The following TRPM3 variants were observed in gnomAD, a reference collection of about 807,000 sequenced individuals.
TRPM3 encodes the protein long transient receptor potential channel 3.
Under a neutral mutation model 181.2 loss-of-function variants are expected in TRPM3, and 77 were observed. That is an observed-to-expected ratio of 0.42 (90% CI 0.35 to 0.51). TRPM3 has a LOEUF of 0.51. Ranked by LOEUF, TRPM3 falls within the 20% of genes least tolerant of loss-of-function variation. The pLI, the probability that TRPM3 is intolerant of heterozygous loss-of-function variation, is 0.01. For synonymous variants in TRPM3, 745 were observed against 796.4 expected, an observed-to-expected ratio of 0.94 and a Z score of 1.09; for missense variants, 1,759 against 2,196.7, an observed-to-expected ratio of 0.80 and a Z score of 3.98.
chr9:71,013,243 A>G (rs2097759786), intron 1 of TRPM3, among the ~76,000 whole-genome samples: 1 of 152,048 alleles, frequency 6.6e-6, no homozygotes, highest in Admixed American at 6.5e-5. Flanking sequence ...ACTATAGTAA[A>G]TTATACTGGT....
intron 1 of TRPM3, among the ~76,000 whole-genome samples, chr9:71,151,568 A>G (rs575408631): frequency 2.3e-4 from 35 of 152,172 alleles, no homozygotes; most frequent in African/African-American, 8.4e-4. Context: ...TAAAAAAAAC[A>G]TGTTGACCCA....
At chr9:71,050,636 T>C (rs555048573) in intron 1 of TRPM3, among the ~76,000 whole-genome samples, 6 of 152,340 alleles carry the variant, frequency 3.9e-5, no homozygotes, top group Non-Finnish European at 8.8e-5. Context: ...TTTAGAAGTG[T>C]TACTTTCCTT....
chr9:70,625,618 C>A lies in TRPM3; in HGVS notation c.1633-101G>T. ...AAGTCTTCAGCTGGGGAGAAAAAAA[C>A]ACCAGTGTAGAAGAAAGAAACACAA... is the stretch of plus-strand genomic sequence containing the variant. On this transcript the variant is annotated intron_variant, in intron 12 of 25. Coordinates refer to ENST00000677713, the MANE Select transcript of TRPM3 (RefSeq NM_001366145.2). This position sits in a 1 kb window ranked among gnomAD's most constrained non-coding sequence, Gnocchi z 4.8. The A allele has an allele frequency of 1.7e-6, 2 of 1,210,436 alleles. No homozygotes were observed. Among genetic ancestry groups the A allele is most frequent in the Admixed American group, 2.0e-5 (1 of 48,792 alleles). 75.0% of individuals were successfully genotyped at this position (1,210,436 alleles called of 1,614,324 possible). A position where few individuals can be genotyped will look rare whatever the true frequency, so the allele number is the denominator to read the frequency against.
At chr9:70,869,165 G>T in intron 1 of TRPM3, 1 of 528,914 alleles carries the variant, frequency 1.9e-6, no homozygotes, top group Non-Finnish European at 2.4e-6. Flanking sequence ...CAATGAACTT[G>T]GGCAGATTAG....
intron 1 of TRPM3, among the ~76,000 whole-genome samples, chr9:71,296,988 CTTTTTTTTTTTTT>C (rs398010878): frequency 1.0e-5 from 1 of 97,872 alleles, no homozygotes; most frequent in Non-Finnish European, 2.0e-5. Context: ...TGAATCTTTT[CTTTTTTTTTTTTT>C]TTTTTTTTGA....
intron 1 of TRPM3, among the ~76,000 whole-genome samples, chr9:70,866,083 T>C (rs961402924): frequency 6.6e-6 from 1 of 152,072 alleles, no homozygotes; most frequent in African/African-American, 2.4e-5. Flanking sequence ...AGACAGCCAG[T>C]CTTTTTCTTT....
intron 1 of TRPM3, among the ~76,000 whole-genome samples, chr9:71,272,847 A>G (rs2083908908): frequency 1.3e-5 from 2 of 151,964 alleles, no homozygotes; most frequent in South Asian, 4.1e-4. Context: ...GCATGAATTT[A>G]TAGTATGAAC....
At chr9:70,555,256 C>A (rs1196947816) in intron 22 of TRPM3, among the ~76,000 whole-genome samples, 4 of 152,212 alleles carry the variant, frequency 2.6e-5, no homozygotes, top group African/African-American at 9.6e-5. Context: ...CCAAAGCCCA[C>A]CCAGCTCCCT....
intron 1 of TRPM3, among the ~76,000 whole-genome samples, chr9:70,944,470 C>A (rs1004949921): frequency 6.6e-6 from 1 of 152,104 alleles, no homozygotes; most frequent in African/African-American, 2.4e-5. Context: ...CCTTTCTTCT[C>A]GCTCTCCTTT....
At chr9:70,539,797 C>T (rs1469896670) in intron 25 of TRPM3, among the ~76,000 whole-genome samples, 1 of 152,088 alleles carries the variant, frequency 6.6e-6, no homozygotes, top group African/African-American at 2.4e-5. Flanking sequence ...TTTGCAAGTA[C>T]TGTAGTTAAA....
At chr9:70,756,719 C>T (rs183222684) in intron 8 of TRPM3, among the ~76,000 whole-genome samples, 170 of 152,282 alleles carry the variant, frequency 1.1e-3, no homozygotes, top group Non-Finnish European at 1.7e-3. Context: ...AACTGAACAA[C>T]CTGCTCCTGA....
chr9:70,652,146 G>T (rs1050881111), intron 9 of TRPM3, among the ~76,000 whole-genome samples: 1 of 152,196 alleles, frequency 6.6e-6, no homozygotes, highest in Admixed American at 6.5e-5. Context: ...AGGAGGCTTC[G>T]AACCTAGATA....
At chr9:70,636,338 G>T (rs1199785516) in intron 11 of TRPM3, among the ~76,000 whole-genome samples, 1 of 152,054 alleles carries the variant, frequency 6.6e-6, no homozygotes, top group Non-Finnish European at 1.5e-5. Flanking sequence ...CAGGCAGCAG[G>T]CTGGATTTCG....
chr9:70,940,986 T>C (rs1398556714), intron 1 of TRPM3, among the ~76,000 whole-genome samples: 1 of 152,254 alleles, frequency 6.6e-6, no homozygotes, highest in Non-Finnish European at 1.5e-5. Flanking sequence ...GTACTTTGCG[T>C]ATGAATTATG....
intron 1 of TRPM3, among the ~76,000 whole-genome samples, chr9:70,919,113 C>G (rs1186984598): frequency 6.6e-6 from 1 of 152,106 alleles, no homozygotes; most frequent in Admixed American, 6.5e-5. Flanking sequence ...ATTCCCTGTC[C>G]TGTTAAAAGA....
At chr9:71,235,684 GTGTT>G (rs1308694605) in intron 1 of TRPM3, among the ~76,000 whole-genome samples, 2 of 152,186 alleles carry the variant, frequency 1.3e-5, no homozygotes, top group African/African-American at 4.8e-5. Context: ...TTGGCAGTAA[GTGTT>G]TGTTTTCTTT....
At chr9:70,944,797 C>A (rs549948360) in intron 1 of TRPM3, among the ~76,000 whole-genome samples, 1 of 152,014 alleles carries the variant, frequency 6.6e-6, no homozygotes, top group South Asian at 2.1e-4. Flanking sequence ...TAATAGTGAT[C>A]TCTTGTGTTT....
intron 8 of TRPM3, among the ~76,000 whole-genome samples, chr9:70,740,965 GACTTAA>G (rs2073956366): frequency 6.6e-6 from 1 of 151,936 alleles, no homozygotes; most frequent in Non-Finnish European, 1.5e-5. Flanking sequence ...GAATAGATGG[GACTTAA>G]ACTAAAAAGC....
At chr9:71,366,846 A>G (rs2092352138) in intron 1 of TRPM3, among the ~76,000 whole-genome samples, 1 of 152,196 alleles carries the variant, frequency 6.6e-6, no homozygotes, top group South Asian at 2.1e-4. Flanking sequence ...AAATCTGTAC[A>G]TTCAGAAATT....
Sources: gnomAD v4.1 joint callset for allele counts (sites outside exome capture counted in the v4.1 genomes callset) on GRCh38, gnomAD v4.1.1 for gene constraint, Gnocchi (gnomAD v3.1) non-coding constraint, MANE v1.5 for transcripts, NCBI Gene and HGNC (gene_info 2026-07-23, HGNC 2026-07-21) for gene names.